The following MAP3K4 variants were observed in gnomAD, a reference collection of about 807,000 sequenced individuals.
The protein encoded by MAP3K4 is mitogen-activated protein kinase kinase kinase 4, also known as MAP three kinase 1.
MAP3K4 carries 67 observed loss-of-function variants against 185.6 expected under a neutral mutation model. The ratio of observed to expected loss-of-function variants is 0.36; its 90% CI spans 0.30 to 0.44. The LOEUF is 0.44. Among genes scored for constraint, MAP3K4 ranks in the 20% least tolerant of loss-of-function variants. The pLI is 1.00. For synonymous variants in MAP3K4, 702 were observed against 710.4 expected, an observed-to-expected ratio of 0.99 and a Z score of 0.19; for missense variants, 1,551 against 1,995.1, an observed-to-expected ratio of 0.78 and a Z score of 4.24.
At chr6:161,006,902 A>C (rs1053951072) in intron 1 of MAP3K4, among the ~76,000 whole-genome samples, 1 of 152,226 alleles carries the variant, frequency 6.6e-6, no homozygotes, top group Non-Finnish European at 1.5e-5. Context: ...CTCAAAGTAG[A>C]CAAATAGAAA....
intron 2 of MAP3K4, among the ~76,000 whole-genome samples, chr6:161,041,406 A>G (rs1783444435): frequency 6.6e-6 from 1 of 152,164 alleles, no homozygotes; most frequent in Admixed American, 6.5e-5. Context: ...GCCGAGGCCC[A>G]GGACCCTCAG....
At chr6:161,083,841 G>T (rs1785572076) in intron 6 of MAP3K4, among the ~76,000 whole-genome samples, 1 of 152,154 alleles carries the variant, frequency 6.6e-6, no homozygotes, top group Admixed American at 6.5e-5. Flanking sequence ...TGCCTTCGGG[G>T]TTGGTCTTTC....
At chr6:161,059,730 CAGAGATT>C (rs1456437324) in intron 3 of MAP3K4, among the ~76,000 whole-genome samples, 2 of 152,002 alleles carry the variant, frequency 1.3e-5, no homozygotes, top group Non-Finnish European at 2.9e-5. Flanking sequence ...TATTTGTACT[CAGAGATT>C]ATTTTAAAAT....
In MAP3K4 at chr6:161,087,144, T is replaced by C. The variant is rs1395414529; in HGVS notation, c.2556+477T>C. Among the ~76,000 whole-genome samples, 3 of 152,308 alleles carry C rather than the reference T, an allele frequency of 2.0e-5. No homozygotes were observed. The highest frequency in any genetic ancestry group is 4.4e-5 in the Non-Finnish European group (3 of 68,036). ...TAGAATCCGTATGTGATGTCATCAC[T>C]GGACATTTTATCCCAAGCCCACAGT... is the stretch of plus-strand genomic sequence containing the variant. On this transcript the variant is annotated intron_variant, in intron 9 of 26. Coordinates refer to ENST00000392142, the MANE Select transcript of MAP3K4 (RefSeq NM_005922.4). The surrounding 1 kb of genome is among the most constrained non-coding windows in gnomAD (Gnocchi z 4.9).
rs1375528463 is a variant in MAP3K4, at chr6:161,114,336, A to G, written c.4627-787A>G. Reference sequence around the variant, plus strand: ...ACCGTACACATACAGTATTATAGCAAAAAAGTTAGAAACCTTCATTTCTAA... The same window carrying G: ...ACCGTACACATACAGTATTATAGCAGAAAAGTTAGAAACCTTCATTTCTAA... On this transcript the variant is annotated intron_variant, in intron 25 of 26. Transcript: ENST00000392142. This position sits in a 1 kb window ranked among gnomAD's most constrained non-coding sequence, Gnocchi z 4.3. Among the ~76,000 whole-genome samples, 3 of 152,242 alleles carry G rather than the reference A, an allele frequency of 2.0e-5. No homozygotes were observed. The South Asian group carries it at 6.2e-4, about 32-fold the overall frequency.
chr6:160,997,376 G>A (rs1384058608), intron 1 of MAP3K4, among the ~76,000 whole-genome samples: 1 of 152,086 alleles, frequency 6.6e-6, no homozygotes, highest in Non-Finnish European at 1.5e-5. Flanking sequence ...GATCATGATG[G>A]TATCTGGCTT....
rs1777702267 is a variant in MAP3K4, at chr6:161,098,824, T to C, written c.3674+397T>C. 6.6e-6 allele frequency among the ~76,000 whole-genome samples: 1 copy of C among 152,166 alleles called. No homozygotes were observed. Among genetic ancestry groups the C allele is most frequent in the South Asian group, 2.1e-4 (1 of 4,826 alleles). ...ATCTGATGTGGTAACATTTTATTTT[T>C]TGGGAAGATCAGTTTTCTAGCCAAA... On this transcript the variant is annotated intron_variant, in intron 17 of 26. Coordinates refer to ENST00000392142, the MANE Select transcript of MAP3K4 (RefSeq NM_005922.4). The surrounding 1 kb of genome is among the most constrained non-coding windows in gnomAD (Gnocchi z 4.4).
At chr6:160,995,815 AAC>A (rs1181337779) in intron 1 of MAP3K4, among the ~76,000 whole-genome samples, 3 of 152,206 alleles carry the variant, frequency 2.0e-5, no homozygotes, top group Admixed American at 6.5e-5. Context: ...GTACACCTAA[AAC>A]ACAGAATAAA....
chr6:161,058,150 A>G (rs1053942077), intron 3 of MAP3K4, among the ~76,000 whole-genome samples: 5 of 152,260 alleles, frequency 3.3e-5, no homozygotes, highest in Non-Finnish European at 1.5e-5. Flanking sequence ...CTCTGGCTGT[A>G]AAGCCATGTA....
intron 3 of MAP3K4, among the ~76,000 whole-genome samples, chr6:161,050,558 A>G (rs937887400): frequency 1.3e-5 from 2 of 152,198 alleles, no homozygotes; most frequent in African/African-American, 4.8e-5. Flanking sequence ...GGAAGTCCTG[A>G]TTTTTGTCAG....
Position 161,064,717 on chromosome 6 carries a change from T to C in MAP3K4, c.1708-5891T>C, listed in dbSNP as rs1464796600. ...CATCAGAATTATTATTGTAATTACA[T>C]TGCATGGTCTTAATATAGAATCTCT... On this transcript the variant is annotated intron_variant, in intron 3 of 26. Coordinates refer to ENST00000392142, the MANE Select transcript of MAP3K4 (RefSeq NM_005922.4). The surrounding 1 kb of genome is among the most constrained non-coding windows in gnomAD (Gnocchi z 4.3). Among the ~76,000 whole-genome samples the C allele has an allele frequency of 6.6e-6, 1 of 152,228 alleles. No homozygotes were observed. The highest frequency in any genetic ancestry group is 1.9e-4 in the East Asian group (1 of 5,200).
rs1439116599 is a variant in MAP3K4 at position 161,096,949 on chromosome 6, C to T, written c.3428-131C>T. 1 of 594,796 alleles carries T rather than the reference C, an allele frequency of 1.7e-6. No homozygotes were observed. The highest frequency in any genetic ancestry group is 3.0e-6 in the Non-Finnish European group (1 of 333,056). The allele number at this position is 594,796 out of a possible 1,614,324, so 36.8% of individuals were successfully genotyped here. On this transcript the variant is annotated intron_variant, in intron 15 of 26. Transcript: ENST00000392142. The surrounding 1 kb of genome is among the most constrained non-coding windows in gnomAD (Gnocchi z 4.9). ...TTTGTATATGTAATATTATTTTTTA[C>T]TTATATAAATGGACTTACCTTGGTC... is the stretch of plus-strand genomic sequence containing the variant.
chr6:161,021,964 G>T (rs1782419393), intron 1 of MAP3K4, among the ~76,000 whole-genome samples: 1 of 152,078 alleles, frequency 6.6e-6, no homozygotes, highest in Non-Finnish European at 1.5e-5. Flanking sequence ...AAAGAAAATG[G>T]TGTACATTTA....
At position 161,106,727 on chromosome 6, in the gene MAP3K4, A is replaced by C. The variant is rs1273856193; in HGVS notation, c.4048+22A>C. 1 of 1,582,042 alleles carries C rather than the reference A, an allele frequency of 6.3e-7. No homozygotes were observed. Among genetic ancestry groups the C allele is most frequent in the Admixed American group, 1.7e-5 (1 of 57,904 alleles). ...ATTGGTAAGGAAATTAAGGAGCATG[A>C]TGTCAAGATAGTCCCTGTTAGAAGT... On this transcript the variant is annotated intron_variant, in intron 20 of 26. Coordinates refer to ENST00000392142, the MANE Select transcript of MAP3K4 (RefSeq NM_005922.4). The surrounding 1 kb of genome is among the most constrained non-coding windows in gnomAD (Gnocchi z 4.9).
chr6:161,015,842 A>G (rs1187329648), intron 1 of MAP3K4, among the ~76,000 whole-genome samples: 2 of 152,180 alleles, frequency 1.3e-5, no homozygotes, highest in African/African-American at 2.4e-5. Context: ...GACTCCTCCC[A>G]TTAGTACCCA....
intron 2 of MAP3K4, among the ~76,000 whole-genome samples, chr6:161,041,154 A>G (rs1253110258): frequency 6.6e-6 from 1 of 152,202 alleles, no homozygotes; most frequent in Non-Finnish European, 1.5e-5. Context: ...TTCCAGCCCA[A>G]GGAATAGCAG....
At chr6:161,065,919 A>C (rs9355331) in intron 3 of MAP3K4, among the ~76,000 whole-genome samples, 82,769 of 128,096 alleles carry the variant, frequency 0.65, 27,919 homozygotes, top group Admixed American at 0.73. Flanking sequence ...GCCTGGGCAA[A>C]AGAGCAAGAC....
At chr6:161,021,367 C>A in intron 1 of MAP3K4, among the ~76,000 whole-genome samples, 1 of 152,198 alleles carries the variant, frequency 6.6e-6, no homozygotes, top group Admixed American at 6.5e-5. Context: ...GCCTGCCCCA[C>A]CCTGGGTTGT....
intron 2 of MAP3K4, among the ~76,000 whole-genome samples, chr6:161,041,147 C>T (rs961846087): frequency 2.0e-5 from 3 of 152,186 alleles, no homozygotes; most frequent in East Asian, 3.9e-4. Flanking sequence ...TGGTGGCTTC[C>T]AGCCCAAGGA....
Sources: allele counts gnomAD v4.1 joint callset (sites outside exome capture counted in the v4.1 genomes callset), GRCh38; gene constraint gnomAD v4.1.1; non-coding constraint Gnocchi (gnomAD v3.1); transcripts MANE v1.5; gene names NCBI Gene and HGNC (gene_info 2026-07-23, HGNC 2026-07-21).